Variants in RBPMS observed in about 807,000 individuals in gnomAD.
RBPMS encodes RNA binding protein, mRNA processing factor.
Under a neutral mutation model 26.8 loss-of-function variants are expected in RBPMS, and 7 were observed. The observed-to-expected ratio is 0.26, with a 90% CI of 0.15 to 0.49. RBPMS has a LOEUF of 0.49. Among genes scored for constraint, RBPMS ranks in the 20% least tolerant of loss-of-function variants. RBPMS has a pLI of 0.98. For missense variants in RBPMS, 186 were observed against 250.0 expected (o/e 0.74, Z 1.73); for synonymous variants, 96 against 93.3 (o/e 1.03, Z -0.17).
chr8:30,417,008 G>T (rs988117402), intron 1 of RBPMS, among the ~76,000 whole-genome samples: 15 of 152,068 alleles, frequency 9.9e-5, no homozygotes, highest in Non-Finnish European at 1.8e-4. Flanking sequence ...GACCTCAAGT[G>T]ATCCTGCCCG....
intron 7 of RBPMS, among the ~76,000 whole-genome samples, chr8:30,561,407 G>C (rs1827471147): frequency 6.6e-6 from 1 of 152,188 alleles, no homozygotes; most frequent in Non-Finnish European, 1.5e-5. Flanking sequence ...GCTGTGAGCA[G>C]CTCCCTATTC....
chr8:30,568,013 C>T (rs547217295), intron 8 of RBPMS, among the ~76,000 whole-genome samples: 1 of 152,296 alleles, frequency 6.6e-6, no homozygotes, highest in Non-Finnish European at 1.5e-5. Context: ...TCCATGGGCC[C>T]CCAGGGCTGG....
In RBPMS at chr8:30,519,454, CTCTCTTTTTTTTTTTTT is replaced by C. The variant is rs1563403551; in HGVS notation, c.397+15020_397+15036del. On this transcript the variant is annotated intron_variant, in intron 5 of 8. Transcript: ENST00000397323. ...TCTCTCACCCTACGTGGGAGGATCT[CTCTCTTTTTTTTTTTTT>C]TTTTTTTTTTTTTTTTTTTTTTTTT... Among the ~76,000 whole-genome samples, 46 of 123,484 alleles carry C rather than the reference CTCTCTTTTTTTTTTTTT, an allele frequency of 3.7e-4. 3 individuals are homozygous for C. Among genetic ancestry groups the C allele is most frequent in the African/African-American group, 1.5e-3 (45 of 30,102 alleles). 81.0% of individuals were successfully genotyped at this position (123,484 alleles called of 152,430 possible).
At chr8:30,443,664 G>A (rs1813390964) in intron 1 of RBPMS, among the ~76,000 whole-genome samples, 1 of 151,562 alleles carries the variant, frequency 6.6e-6, no homozygotes, top group Non-Finnish European at 1.5e-5. Context: ...GTGCAATCTC[G>A]GCTCACTGCA....
At chr8:30,452,428 G>C (rs1019332667) in intron 1 of RBPMS, among the ~76,000 whole-genome samples, 3 of 152,168 alleles carry the variant, frequency 2.0e-5, no homozygotes, top group African/African-American at 4.8e-5. Flanking sequence ...GTTGGAGGTA[G>C]AATATCACCA....
At chr8:30,524,287 A>G (rs550707993) in intron 5 of RBPMS, among the ~76,000 whole-genome samples, 2 of 152,026 alleles carry the variant, frequency 1.3e-5, no homozygotes, top group East Asian at 2.0e-4. Flanking sequence ...GGTTATGTTA[A>G]TGTATTTCAT....
At chr8:30,496,743 G>A (rs1473748188) in intron 4 of RBPMS, among the ~76,000 whole-genome samples, 1 of 152,048 alleles carries the variant, frequency 6.6e-6, no homozygotes, top group Non-Finnish European at 1.5e-5. Flanking sequence ...TTAATAAATG[G>A]TAGAAAACTT....
Position 30,566,957 on chromosome 8 carries a change from G to A in RBPMS, c.*111+597G>A, listed in dbSNP as rs529973601. On this transcript the variant is annotated intron_variant, in intron 8 of 8. Coordinates refer to ENST00000397323, the MANE Select transcript of RBPMS (RefSeq NM_001008710.3). ...GTTTTAGTGATCTGTCTTTTCAGTC[G>A]GTATCACCTGTCACTCCTCAGTTCG... Among the ~76,000 whole-genome samples the A allele has an allele frequency of 4.1e-4, 63 of 152,136 alleles. 1 individual carries two copies. Among genetic ancestry groups the A allele is most frequent in the Admixed American group, 2.7e-3 (42 of 15,290 alleles).
At chr8:30,458,963 CTT>C (rs1243285803) in intron 1 of RBPMS, among the ~76,000 whole-genome samples, 10 of 134,034 alleles carry the variant, frequency 7.5e-5, no homozygotes, top group Non-Finnish European at 6.4e-5. Flanking sequence ...AGCATGTTGG[CTT>C]TTTTTTTTTT....
chr8:30,557,449 G>A (rs1827039410), intron 6 of RBPMS, among the ~76,000 whole-genome samples: 1 of 152,216 alleles, frequency 6.6e-6, no homozygotes, highest in Non-Finnish European at 1.5e-5. Flanking sequence ...CTGTGACCAA[G>A]GTCATTGAGA....
intron 5 of RBPMS, among the ~76,000 whole-genome samples, chr8:30,531,353 C>CT (rs1824206832): frequency 2.8e-5 from 1 of 36,022 alleles, no homozygotes; most frequent in Non-Finnish European, 5.7e-5. Context: ...AACCAGCCTT[C>CT]TGCTGACCCT....
In RBPMS at chr8:30,555,975, T is replaced by C. The variant is rs921794356; in HGVS notation, c.529-2912T>C. On this transcript the variant is annotated intron_variant, in intron 6 of 8. Coordinates refer to ENST00000397323, the MANE Select transcript of RBPMS (RefSeq NM_001008710.3). ...AGCCCTGCCGCTCTGCCGGCTGTGG[T>C]GCGGGAACCTGGATGAGCCGCTCAG... 1.2e-5 allele frequency: 12 copies of C among 984,446 alleles called. No individual in the cohort carries two copies. In the East Asian group the frequency reaches 6.8e-4, roughly 56 times the overall value. The allele number at this position is 984,446 out of a possible 1,614,324, so 61.0% of individuals were successfully genotyped here.
At chr8:30,550,898 C>G (rs1293022459) in intron 6 of RBPMS, among the ~76,000 whole-genome samples, 1 of 152,230 alleles carries the variant, frequency 6.6e-6, no homozygotes, top group Non-Finnish European at 1.5e-5. Flanking sequence ...AACCCGCTGT[C>G]CCTGACCTTT....
At chr8:30,451,736 G>T (rs1381693157) in intron 1 of RBPMS, among the ~76,000 whole-genome samples, 2 of 152,034 alleles carry the variant, frequency 1.3e-5, no homozygotes, top group Non-Finnish European at 2.9e-5. Context: ...CAGGCTTCAG[G>T]GGCAAATTTC....
intron 4 of RBPMS, among the ~76,000 whole-genome samples, chr8:30,496,524 A>G (rs1188699329): frequency 6.6e-6 from 1 of 152,180 alleles, no homozygotes; most frequent in African/African-American, 2.4e-5. Flanking sequence ...AATGAGGAGT[A>G]CTAACCATGG....
intron 1 of RBPMS, among the ~76,000 whole-genome samples, chr8:30,409,927 A>G (rs765143091): frequency 7.2e-5 from 11 of 152,036 alleles, no homozygotes; most frequent in Admixed American, 2.6e-4. Flanking sequence ...CACCGCACCC[A>G]GCCTTACTTA....
chr8:30,518,440 T>A (rs1245624202), intron 5 of RBPMS, among the ~76,000 whole-genome samples: 1 of 152,012 alleles, frequency 6.6e-6, no homozygotes, highest in Non-Finnish European at 1.5e-5. Context: ...TATTTATTTA[T>A]TTAGAGACAG....
intron 5 of RBPMS, among the ~76,000 whole-genome samples, chr8:30,519,392 G>A (rs28420338): frequency 0.026 from 3,861 of 149,300 alleles, 167 homozygotes; most frequent in African/African-American, 0.09. Context: ...TATTGCATTA[G>A]TTATGTCTTT....
chr8:30,455,307 A>G (rs1413389624), intron 1 of RBPMS, among the ~76,000 whole-genome samples: 1 of 152,156 alleles, frequency 6.6e-6, no homozygotes, highest in Non-Finnish European at 1.5e-5. Flanking sequence ...GGAAACTTAG[A>G]TCCCTGGTCT....
Sources: gnomAD v4.1 joint callset for allele counts (sites outside exome capture counted in the v4.1 genomes callset) on GRCh38, gnomAD v4.1.1 for gene constraint, MANE v1.5 for transcripts, NCBI Gene and HGNC (gene_info 2026-07-23, HGNC 2026-07-21) for gene names.